The following OSBPL9 variants were observed in gnomAD, a reference collection of about 807,000 sequenced individuals.
OSBPL9 encodes the protein oxysterol binding protein like 9, also known as oxysterol-binding protein-related protein 9.
A neutral mutation model predicts 106.6 loss-of-function variants in OSBPL9; 40 were observed. The observed-to-expected ratio is 0.38, with a 90% confidence interval of 0.29 to 0.49. The LOEUF (loss-of-function observed/expected upper bound fraction) is 0.49. Ranked by LOEUF, OSBPL9 falls within the 20% of genes least tolerant of loss-of-function variation. OSBPL9 has a pLI of 0.97. For missense variants in OSBPL9, 609 were observed against 887.2 expected, an observed-to-expected ratio of 0.69 and a Z score of 3.98; for synonymous variants, 269 against 295.4, an observed-to-expected ratio of 0.91 and a Z score of 0.92.
chr1:51,700,831 T>A (rs1295235749), intron 3 of OSBPL9, among the ~76,000 whole-genome samples: 2 of 152,232 alleles, frequency 1.3e-5, no homozygotes, highest in Non-Finnish European at 2.9e-5. Flanking sequence ...TCTTCTCACT[T>A]TTGCCCATTG....
intron 3 of OSBPL9, among the ~76,000 whole-genome samples, chr1:51,693,023 C>T (rs1655293344): frequency 6.6e-6 from 1 of 152,072 alleles, no homozygotes; most frequent in Non-Finnish European, 1.5e-5. Context: ...CAAATTATCA[C>T]TTGTCCTATA....
chr1:51,602,666 A>G (rs1645330292), intron 2 of OSBPL9, among the ~76,000 whole-genome samples: 1 of 151,058 alleles, frequency 6.6e-6, no homozygotes, highest in Non-Finnish European at 1.5e-5. Flanking sequence ...AGTTGGTCTC[A>G]AACTCCTGGG....
At chr1:51,742,058 G>A (rs761916184) in intron 4 of OSBPL9, among the ~76,000 whole-genome samples, 8 of 151,972 alleles carry the variant, frequency 5.3e-5, no homozygotes, top group Non-Finnish European at 1.0e-4. Context: ...AGAGGAGGTC[G>A]GGGGAAGACC....
chr1:51,701,884 G>A (rs1022131870), intron 3 of OSBPL9, among the ~76,000 whole-genome samples: 1 of 152,086 alleles, frequency 6.6e-6, no homozygotes, highest in African/African-American at 2.4e-5. Flanking sequence ...ACCTATGAGT[G>A]AGAACATGCG....
chr1:51,788,098 G>A lies in OSBPL9; in HGVS notation c.*309G>A, dbSNP rs752059076. On this transcript the variant is annotated 3_prime_UTR_variant, in exon 24 of 24. Transcript: ENST00000428468. ...TATAAATCCAAGTCTGAAACTCTGCGCTCTAGTACTGCTGTTAAGATACAC... is the reference window on the plus strand; with the variant it reads ...TATAAATCCAAGTCTGAAACTCTGCACTCTAGTACTGCTGTTAAGATACAC... The A allele has an allele frequency of 4.3e-5, 15 of 352,878 alleles. No individual in the cohort carries two copies. In the Middle Eastern group the frequency reaches 3.3e-3, roughly 77 times the overall value. 21.9% of individuals were successfully genotyped at this position (352,878 alleles called of 1,614,324 possible).
At chr1:51,760,507 C>A (rs1671256247) in intron 9 of OSBPL9, 183 bp from the exon 10 acceptor site, 2 of 742,504 alleles carry the variant, frequency 2.7e-6, no homozygotes, top group Non-Finnish European at 4.0e-6. Context: ...TCTTTCCTTA[C>A]TATGCTTTAA....
Position 51,729,679 on chromosome 1 carries a change from C to T in OSBPL9, c.318+15600C>T, listed in dbSNP as rs1161899468. ...TCTCCACCCAAAACTGGCCCAACCG[C>T]CAATCGTCTGCCTCTCACCTCCTAC... On this transcript the variant is annotated intron_variant, in intron 4 of 23. Coordinates refer to ENST00000428468, the MANE Select transcript of OSBPL9 (RefSeq NM_024586.6). The surrounding 1 kb of genome is among the most constrained non-coding windows in gnomAD (Gnocchi z 5.1). 9.0e-5 allele frequency: 44 copies of T among 490,790 alleles called. No homozygotes were observed. Among genetic ancestry groups the T allele is most frequent in the Non-Finnish European group, 2.4e-5 (8 of 328,144 alleles). 30.4% of individuals were successfully genotyped at this position (490,790 alleles called of 1,614,324 possible).
chr1:51,588,400 A>C (rs531241609), intron 1 of OSBPL9, among the ~76,000 whole-genome samples: 2 of 152,070 alleles, frequency 1.3e-5, no homozygotes, highest in Non-Finnish European at 2.9e-5. Context: ...TAATAATAAC[A>C]ACAATCTCAG....
chr1:51,782,965 G>A (rs997762087), intron 17 of OSBPL9, among the ~76,000 whole-genome samples: 5 of 152,088 alleles, frequency 3.3e-5, no homozygotes, highest in African/African-American at 1.2e-4. Flanking sequence ...TAAGTGATAC[G>A]TAGTTTCTAC....
intron 3 of OSBPL9, among the ~76,000 whole-genome samples, chr1:51,705,643 G>A (rs560124663): frequency 2.0e-4 from 30 of 151,656 alleles, no homozygotes; most frequent in African/African-American, 7.0e-4. Flanking sequence ...TGGAACTCCC[G>A]ACCTCAGGTG....
chr1:51,641,676 A>T (rs1483279847), intron 1 of OSBPL9, among the ~76,000 whole-genome samples: 3 of 152,180 alleles, frequency 2.0e-5, no homozygotes, highest in Non-Finnish European at 4.4e-5. Flanking sequence ...ACCCCATCCT[A>T]GATTACTTCT....
At chr1:51,672,221 A>T (rs1650050571) in intron 3 of OSBPL9, among the ~76,000 whole-genome samples, 1 of 152,174 alleles carries the variant, frequency 6.6e-6, no homozygotes, top group Non-Finnish European at 1.5e-5. Context: ...GAAGTAGGGA[A>T]ACTATTTCTG....
At chr1:51,692,683 T>C (rs887172574) in intron 3 of OSBPL9, among the ~76,000 whole-genome samples, 3 of 149,754 alleles carry the variant, frequency 2.0e-5, no homozygotes, top group African/African-American at 7.4e-5. Flanking sequence ...TTTTTTTTTT[T>C]CCAGGTTCTT....
intron 12 of OSBPL9, 59 bp from the exon 13 acceptor site, chr1:51,772,011 C>T (rs890538624): frequency 4.6e-6 from 6 of 1,298,892 alleles, no homozygotes; most frequent in Non-Finnish European, 6.6e-6. Flanking sequence ...ACGAGTCTAG[C>T]TTACTATGAT....
At position 51,760,641 on chromosome 1, in the gene OSBPL9, G is replaced by A. The variant is rs139737541; in HGVS notation, c.583-49G>A. The A allele has an allele frequency of 4.3e-4, 691 of 1,610,856 alleles. 3 individuals carry two copies. The African/African-American group carries it at 8.1e-3, about 19-fold the overall frequency. On this transcript the variant is annotated intron_variant, in intron 9 of 23. Transcript: ENST00000428468. ...ATGTGGGCATTTGGGAGGGTAGCAT[G>A]AGAAGAGCATTTAATTAAAAATAGC...
intron 2 of OSBPL9, among the ~76,000 whole-genome samples, chr1:51,600,682 T>C (rs1645321992): frequency 1.3e-5 from 2 of 152,184 alleles, no homozygotes. Flanking sequence ...CATTTCCCTC[T>C]TTGTAAAATT....
chr1:51,762,814 A>G (rs1452093304), intron 11 of OSBPL9, among the ~76,000 whole-genome samples: 1 of 152,230 alleles, frequency 6.6e-6, no homozygotes, highest in African/African-American at 2.4e-5. Flanking sequence ...TTCTTTTTAC[A>G]GCTGCCTGGG....
At chr1:51,652,177 A>G in intron 2 of OSBPL9, 136 bp downstream of exon 2, 1 of 622,868 alleles carries the variant, frequency 1.6e-6, no homozygotes, top group Middle Eastern at 4.5e-4. Context: ...CAGAGAGAAA[A>G]TGTGATTTCT....
At chr1:51,557,439 C>T in the OSBPL9 span, among the ~76,000 whole-genome samples, 1 of 152,148 alleles carries the variant, frequency 6.6e-6, no homozygotes. Flanking sequence ...AGAACTACTC[C>T]TAATCTCTCT....
Sources: allele counts gnomAD v4.1 joint callset (sites outside exome capture counted in the v4.1 genomes callset), GRCh38; gene constraint gnomAD v4.1.1; non-coding constraint Gnocchi (gnomAD v3.1); transcripts MANE v1.5; gene names NCBI Gene and HGNC (gene_info 2026-07-23, HGNC 2026-07-21).